The following ANTXR1 variants were observed in gnomAD, a reference collection of about 807,000 sequenced individuals.
ANTXR1 encodes the protein anthrax toxin receptor 1.
A neutral mutation model predicts 78.1 loss-of-function variants in ANTXR1; 19 were observed. The observed-to-expected ratio is 0.24, with a 90% CI of 0.17 to 0.36. ANTXR1 has a LOEUF of 0.36. Among genes scored for constraint, ANTXR1 ranks in the 10% least tolerant of loss-of-function variants. The probability of loss-of-function intolerance (pLI) is 1.00; values close to 1 mark genes in which losing one functional copy is unlikely to be tolerated. For missense variants in ANTXR1, 518 were observed against 718.6 expected, an observed-to-expected ratio of 0.72 and a Z score of 3.19; for synonymous variants, 273 against 260.5, an observed-to-expected ratio of 1.05 and a Z score of -0.46.
intron 17 of ANTXR1, among the ~76,000 whole-genome samples, chr2:69,236,521 C>T (rs1005481503): frequency 6.6e-6 from 1 of 151,850 alleles, no homozygotes; most frequent in Non-Finnish European, 1.5e-5. Flanking sequence ...TAGAAATTCT[C>T]ATAAAATAGT....
At chr2:69,163,706 G>T (rs886974628) in intron 13 of ANTXR1, among the ~76,000 whole-genome samples, 4 of 152,168 alleles carry the variant, frequency 2.6e-5, no homozygotes, top group African/African-American at 7.2e-5. Flanking sequence ...CGCCATACAT[G>T]CTGGACTTGC....
At chr2:69,033,611 T>C (rs536695377) in intron 1 of ANTXR1, among the ~76,000 whole-genome samples, 1 of 152,336 alleles carries the variant, frequency 6.6e-6, no homozygotes, top group African/African-American at 2.4e-5. Context: ...CTGAAGCTGC[T>C]GAACATGTCT....
intron 17 of ANTXR1, among the ~76,000 whole-genome samples, chr2:69,211,398 G>C (rs905028751): frequency 6.6e-6 from 1 of 152,178 alleles, no homozygotes; most frequent in African/African-American, 2.4e-5. Flanking sequence ...GGGCACATCT[G>C]TGTAGACTCC....
intron 3 of ANTXR1, among the ~76,000 whole-genome samples, chr2:69,069,173 A>G (rs759785531): frequency 2.6e-5 from 4 of 152,162 alleles, no homozygotes; most frequent in Non-Finnish European, 5.9e-5. Flanking sequence ...TCCCCATCAT[A>G]TCAGTTTTAA....
chr2:69,116,502 G>A (rs1672148327), intron 10 of ANTXR1, among the ~76,000 whole-genome samples: 1 of 152,180 alleles, frequency 6.6e-6, no homozygotes, highest in African/African-American at 2.4e-5. Flanking sequence ...CCATCATTTG[G>A]AGACACATTC....
At chr2:69,242,472 C>T (rs1222256300) in intron 17 of ANTXR1, among the ~76,000 whole-genome samples, 1 of 152,172 alleles carries the variant, frequency 6.6e-6, no homozygotes, top group African/African-American at 2.4e-5. Flanking sequence ...CTGGTAAAAA[C>T]AGTAGAGTGA....
intron 12 of ANTXR1, among the ~76,000 whole-genome samples, chr2:69,125,748 G>A (rs902703907): frequency 1.3e-5 from 2 of 152,150 alleles, no homozygotes; most frequent in East Asian, 1.9e-4. Flanking sequence ...GGCTGAGATG[G>A]GAGGATGGCT....
At chr2:69,146,618 A>G (rs983623686) in intron 12 of ANTXR1, among the ~76,000 whole-genome samples, 2 of 152,216 alleles carry the variant, frequency 1.3e-5, no homozygotes, top group Admixed American at 1.3e-4. Flanking sequence ...TGCGTCATAA[A>G]GTCAGGTCCA....
At chr2:69,079,725 G>A (rs1670844640) in intron 8 of ANTXR1, among the ~76,000 whole-genome samples, 1 of 152,172 alleles carries the variant, frequency 6.6e-6, no homozygotes, top group Admixed American at 6.5e-5. Context: ...AGGGAGACTG[G>A]GGATACCCAG....
At chr2:69,134,876 A>C (rs1043615310) in intron 12 of ANTXR1, 1 of 198,122 alleles carries the variant, frequency 5.0e-6, no homozygotes, top group Non-Finnish European at 1.1e-5. Context: ...CATTAGTCCC[A>C]AATCAGTCTC....
At chr2:69,128,228 A>G (rs200405801) in intron 12 of ANTXR1, among the ~76,000 whole-genome samples, 3 of 100,882 alleles carry the variant, frequency 3.0e-5, no homozygotes, top group Admixed American at 1.0e-4. Context: ...CCATCTCTGG[A>G]AAAAAAAAAA....
chr2:69,101,379 G>A (rs371931511), intron 9 of ANTXR1, among the ~76,000 whole-genome samples: 7 of 152,330 alleles, frequency 4.6e-5, no homozygotes, highest in Admixed American at 2.0e-4. Context: ...GTGCCTAACA[G>A]ACCTCGATTC....
At chr2:69,070,526 G>T in intron 3 of ANTXR1, 121 bp from the exon 4 acceptor site, 1 of 885,496 alleles carries the variant, frequency 1.1e-6, no homozygotes, top group African/African-American at 1.7e-5. Context: ...ATAGGCTTTT[G>T]GGGAATTACT....
intron 17 of ANTXR1, among the ~76,000 whole-genome samples, chr2:69,199,624 G>A (rs1573971817): frequency 1.3e-5 from 2 of 152,296 alleles, no homozygotes; most frequent in East Asian, 3.9e-4. Context: ...CAATGTGTTT[G>A]CACATTGTTA....
Position 69,242,206 on chromosome 2 carries a change from T to C in ANTXR1, c.1435-3019T>C, listed in dbSNP as rs191871627. 1.2e-3 allele frequency among the ~76,000 whole-genome samples: 178 copies of C among 152,296 alleles called. No individual in the cohort carries two copies. The Middle Eastern group carries it at 0.024, about 20-fold the overall frequency. On this transcript the variant is annotated intron_variant, in intron 17 of 17. Transcript: ENST00000303714. Reference sequence around the variant, plus strand: ...TTACCCCACCCCATCTCCATCCCTCTGCTGCTCTGGCCAAGACACCACGGC... The same window carrying C: ...TTACCCCACCCCATCTCCATCCCTCCGCTGCTCTGGCCAAGACACCACGGC...
intron 14 of ANTXR1, among the ~76,000 whole-genome samples, chr2:69,175,081 T>C (rs1674084360): frequency 1.3e-5 from 2 of 152,238 alleles, no homozygotes; most frequent in African/African-American, 4.8e-5. Context: ...ATGCTCATTG[T>C]TGGGAGCATC....
chr2:69,164,732 A>G (rs890929803), intron 13 of ANTXR1, among the ~76,000 whole-genome samples: 5 of 152,226 alleles, frequency 3.3e-5, no homozygotes, highest in African/African-American at 1.2e-4. Context: ...AATTCACATC[A>G]GTGGAAGCCA....
In ANTXR1 at chr2:69,126,817, C is replaced by T. The variant is rs534100668; in HGVS notation, c.951+2174C>T. ...CACCTTCCCAACCCACGGCAGCCTCCAGTTACATCTTACATCTCCCTCATC... is the reference window on the plus strand; with the variant it reads ...CACCTTCCCAACCCACGGCAGCCTCTAGTTACATCTTACATCTCCCTCATC... On this transcript the variant is annotated intron_variant, in intron 12 of 17. Coordinates refer to ENST00000303714, the MANE Select transcript of ANTXR1 (RefSeq NM_032208.3). Among the ~76,000 whole-genome samples, 5 of 152,350 alleles carry T rather than the reference C, an allele frequency of 3.3e-5. No homozygotes were observed. In the South Asian group the frequency reaches 1.0e-3, roughly 32 times the overall value.
chr2:69,096,263 A>T (rs190254585), intron 9 of ANTXR1, among the ~76,000 whole-genome samples: 824 of 8,964 alleles, frequency 0.092, 60 homozygotes, highest in Admixed American at 0.39. Flanking sequence ...GTCAAAAGGA[A>T]GGAAGGAAGG....
Sources: gnomAD v4.1 joint callset for allele counts (sites outside exome capture counted in the v4.1 genomes callset) on GRCh38, gnomAD v4.1.1 for gene constraint, MANE v1.5 for transcripts, NCBI Gene and HGNC (gene_info 2026-07-23, HGNC 2026-07-21) for gene names.